PARD3: variants seen among roughly 807,000 people sequenced by gnomAD.
The protein encoded by PARD3 is par-3 family cell polarity regulator.
Under a neutral mutation model 155.4 loss-of-function variants are expected in PARD3, and 75 were observed. The observed-to-expected ratio is 0.48, with a 90% CI of 0.40 to 0.58. The LOEUF is 0.58. Ranked by LOEUF, PARD3 falls within the 20% of genes least tolerant of loss-of-function variation. The probability of loss-of-function intolerance (pLI) is 0.00; values close to 1 mark genes in which losing one functional copy is unlikely to be tolerated. For missense variants in PARD3, 1,642 were observed against 1,721.7 expected (o/e 0.95, Z 0.82); for synonymous variants, 576 against 610.5 (o/e 0.94, Z 0.83).
intron 14 of PARD3, among the ~76,000 whole-genome samples, chr10:34,357,601 A>C (rs1161279764): frequency 6.6e-6 from 1 of 152,206 alleles, no homozygotes; most frequent in Non-Finnish European, 1.5e-5. Context: ...ACTACTATTC[A>C]ATCAGTCCAG....
At chr10:34,614,743 T>C (rs910463453) in intron 2 of PARD3, among the ~76,000 whole-genome samples, 6 of 152,194 alleles carry the variant, frequency 3.9e-5, no homozygotes, top group Admixed American at 2.6e-4. Flanking sequence ...GAATGCATCC[T>C]TATCTAGACA....
At chr10:34,227,426 A>G (rs11009686) in intron 22 of PARD3, among the ~76,000 whole-genome samples, 4,365 of 152,314 alleles carry the variant, frequency 0.029, 97 homozygotes, top group Non-Finnish European at 0.039. Flanking sequence ...ACCTGAGGTC[A>G]GGAGTTCGAC....
intron 3 of PARD3, chr10:34,488,590 G>A (rs1244969229): frequency 6.6e-6 from 1 of 152,250 alleles, no homozygotes; most frequent in Non-Finnish European, 1.5e-5. Flanking sequence ...TGCACGGCTT[G>A]CTCGTGAGCA....
At chr10:34,627,117 T>TC (rs1395906452) in intron 2 of PARD3, among the ~76,000 whole-genome samples, 1 of 151,982 alleles carries the variant, frequency 6.6e-6, no homozygotes, top group African/African-American at 2.4e-5. Context: ...AGCCTTGACC[T>TC]CCTTGGCTCA....
chr10:34,181,303 G>A (rs1227844538), intron 22 of PARD3, among the ~76,000 whole-genome samples: 2 of 152,192 alleles, frequency 1.3e-5, no homozygotes, highest in African/African-American at 2.4e-5. Flanking sequence ...CAGCTCTGAA[G>A]CCTTAACTCA....
intron 5 of PARD3, among the ~76,000 whole-genome samples, chr10:34,420,502 G>A (rs1485493108): frequency 2.0e-5 from 3 of 152,110 alleles, no homozygotes; most frequent in Non-Finnish European, 4.4e-5. Context: ...CATGATCCTG[G>A]AATTCAATGC....
At chr10:34,180,592 T>C (rs760361953) in intron 22 of PARD3, among the ~76,000 whole-genome samples, 42 of 152,152 alleles carry the variant, frequency 2.8e-4, no homozygotes, top group Non-Finnish European at 4.6e-4. Flanking sequence ...TTCATTTGAC[T>C]CATACTGTAG....
chr10:34,716,321 T>C (rs1216736622), intron 1 of PARD3, among the ~76,000 whole-genome samples: 1 of 152,198 alleles, frequency 6.6e-6, no homozygotes, highest in Non-Finnish European at 1.5e-5. Context: ...ACTGGTAATA[T>C]TCCCTAGGAT....
intron 20 of PARD3, among the ~76,000 whole-genome samples, chr10:34,301,922 A>G (rs1171188087): frequency 6.8e-6 from 1 of 147,252 alleles, no homozygotes; most frequent in Admixed American, 7.0e-5. Flanking sequence ...TACCTCCATC[A>G]CTGGCCACAA....
intron 2 of PARD3, among the ~76,000 whole-genome samples, chr10:34,542,366 T>C (rs778660201): frequency 2.6e-5 from 4 of 152,136 alleles, no homozygotes; most frequent in Non-Finnish European, 4.4e-5. Flanking sequence ...GTGAGACATA[T>C]TTGGTTGTCA....
intron 3 of PARD3, among the ~76,000 whole-genome samples, chr10:34,484,647 C>T (rs898834666): frequency 4.6e-5 from 7 of 152,126 alleles, no homozygotes; most frequent in African/African-American, 7.2e-5. Context: ...CTGGTCTCTG[C>T]CCTCGTGAAG....
chr10:34,571,582 A>T (rs2086410821), intron 2 of PARD3, among the ~76,000 whole-genome samples: 1 of 152,212 alleles, frequency 6.6e-6, no homozygotes, highest in Admixed American at 6.5e-5. Context: ...GGTGTAGCAA[A>T]ACTAGCAATA....
At chr10:34,244,429 C>T (rs1378918070) in intron 22 of PARD3, among the ~76,000 whole-genome samples, 1 of 152,148 alleles carries the variant, frequency 6.6e-6, no homozygotes, top group African/African-American at 2.4e-5. Flanking sequence ...TACTGAAGGG[C>T]CTCAAAATAA....
intron 5 of PARD3, among the ~76,000 whole-genome samples, chr10:34,422,808 G>A (rs1266407556): frequency 6.6e-6 from 1 of 152,134 alleles, no homozygotes; most frequent in African/African-American, 2.4e-5. Context: ...TGTGGACAAA[G>A]GGAACCCTTG....
intron 23 of PARD3, among the ~76,000 whole-genome samples, chr10:34,129,700 CTT>C (rs1209547388): frequency 3.6e-5 from 3 of 82,978 alleles, no homozygotes; most frequent in African/African-American, 4.6e-5. Flanking sequence ...TGTCAAGCCT[CTT>C]TTTTTTTTTT....
chr10:34,142,534 A>C (rs2132875455), intron 22 of PARD3, among the ~76,000 whole-genome samples: 1 of 151,996 alleles, frequency 6.6e-6, no homozygotes, highest in African/African-American at 2.4e-5. Context: ...GACTCTGTCA[A>C]AGAAAAAGAA....
chr10:34,280,152 G>T (rs985638948), intron 21 of PARD3, among the ~76,000 whole-genome samples: 9 of 152,252 alleles, frequency 5.9e-5, no homozygotes, highest in African/African-American at 2.2e-4. Context: ...AATATTTCAT[G>T]TTTCAGAACA....
chr10:34,472,934 G>A (rs979546857), intron 3 of PARD3, among the ~76,000 whole-genome samples: 1 of 152,220 alleles, frequency 6.6e-6, no homozygotes. Context: ...TTGTGTTAAT[G>A]TGTTAGTCTG....
At chr10:34,343,976 A>G (rs553307446) in intron 15 of PARD3, 42 of 983,104 alleles carry the variant, frequency 4.3e-5, no homozygotes, top group Middle Eastern at 1.0e-3. Context: ...CACAATAAAA[A>G]CATTAATGTT....
Sources: allele counts gnomAD v4.1 joint callset (sites outside exome capture counted in the v4.1 genomes callset), GRCh38; gene constraint gnomAD v4.1.1; transcripts MANE v1.5; gene names NCBI Gene and HGNC (gene_info 2026-07-23, HGNC 2026-07-21).